Variants in CPNE6 observed in about 807,000 individuals in gnomAD.
CPNE6 encodes the protein copine-6.
CPNE6 carries 33 observed loss-of-function variants against 71.5 expected under a neutral mutation model. That is an observed-to-expected ratio of 0.46 (90% confidence interval 0.35 to 0.62). The LOEUF is 0.62. Ranked by LOEUF, CPNE6 falls within the 20% of genes least tolerant of loss-of-function variation. The pLI is 0.00. For synonymous variants in CPNE6, 296 were observed against 293.0 expected (o/e 1.01, Z -0.10); for missense variants, 576 against 747.3 (o/e 0.77, Z 2.67).
Position 24,076,143 on chromosome 14 carries a change from AC to A in CPNE6, c.925-3del. Reference sequence around the variant, plus strand: ...GCAGCATGACCTTCTTCCCACCCCCACCCAGGTGGCCATTGACTTCACCGCC... The same window carrying A: ...GCAGCATGACCTTCTTCCCACCCCCACCAGGTGGCCATTGACTTCACCGCC... On this transcript the variant is annotated splice_polypyrimidine_tract_variant and splice_region_variant and intron_variant, in intron 11 of 17. Transcript: ENST00000397016. The A allele has an allele frequency of 2.5e-6, 4 of 1,611,738 alleles. No homozygotes were observed. The highest frequency in any genetic ancestry group is 3.4e-6 in the Non-Finnish European group (4 of 1,178,974).
rs1180639514 is a variant in CPNE6, at chr14:24,074,212, C to T, written c.424-79C>T. ...TATGGTGACATCATGCCCAGGACCA[C>T]CCCCACCTAAGGGAAAGGGGATGGG... On this transcript the variant is annotated intron_variant, in intron 5 of 17. Transcript: ENST00000397016. The surrounding 1 kb of genome is among the most constrained non-coding windows in gnomAD (Gnocchi z 4.5). The T allele has an allele frequency of 6.3e-7, 1 of 1,592,120 alleles. No homozygotes were observed. The highest frequency in any genetic ancestry group is 1.3e-5 in the African/African-American group (1 of 74,464).
At chr14:24,071,022 A>G in exon 1 of CPNE6, 1 of 1,535,646 alleles carries the variant, frequency 6.5e-7, no homozygotes, top group Non-Finnish European at 8.7e-7. Context: ...ATCCTGCTGT[A>G]TTCCGGGTTA....
At chr14:24,071,498 T>TGCGC in intron 1 of CPNE6, 64 bp from the exon 1 acceptor site, 7 of 1,522,604 alleles carry the variant, frequency 4.6e-6, no homozygotes, top group Non-Finnish European at 6.1e-6. Context: ...GAGCTGGTGC[T>TGCGC]GCGCCCCCCC....
exon 15 of CPNE6, chr14:24,076,896 G>A (rs749146395): frequency 1.7e-5 from 27 of 1,612,974 alleles, no homozygotes; most frequent in Admixed American, 3.3e-5. Flanking sequence ...AGGGGTCATC[G>A]CCTCCTACCG....
chr14:24,077,381 C>T lies in CPNE6; in HGVS notation c.1527C>T (p.Asp509=). 1 of 1,613,994 alleles carries T rather than the reference C, an allele frequency of 6.2e-7. No individual in the cohort carries two copies. Among genetic ancestry groups the T allele is most frequent in the Non-Finnish European group, 8.5e-7 (1 of 1,179,938 alleles). ...TTGTCCAGTTCGTGCCCTTCCGAGA[C>T]TTCAAGGATGTGAGTCCCCCGGGCC... Residue 509 remains aspartate, a synonymous_variant, in exon 16 of 18, where the codon GAC becomes GAT. Coordinates refer to ENST00000397016, the Ensembl canonical transcript of CPNE6. This position sits in a 1 kb window ranked among gnomAD's most constrained non-coding sequence, Gnocchi z 6.1.
At position 24,077,142 on chromosome 14, in the gene CPNE6, G is replaced by A. The variant is rs1486682783; in HGVS notation, c.1300-12G>A. 3.8e-6 allele frequency: 6 copies of A among 1,598,548 alleles called. No individual in the cohort carries two copies. The East Asian group carries it at 1.1e-4, about 30-fold the overall frequency. Reference sequence around the variant, plus strand: ...CAAAGCCAACCCTTCCACCCTCTCTGCTTGCCCTCAGAAGTACTCGGTGCT... The same window carrying A: ...CAAAGCCAACCCTTCCACCCTCTCTACTTGCCCTCAGAAGTACTCGGTGCT... On this transcript the variant is annotated splice_polypyrimidine_tract_variant and intron_variant, in intron 15 of 17. Transcript: ENST00000397016. This position sits in a 1 kb window ranked among gnomAD's most constrained non-coding sequence, Gnocchi z 6.1.
Position 24,073,091 on chromosome 14 carries a change from A to G in CPNE6, c.155A>G (p.Glu52Gly). The G allele has an allele frequency of 6.8e-7, 1 of 1,471,180 alleles. No individual in the cohort carries two copies. The highest frequency in any genetic ancestry group is 9.0e-7 in the Non-Finnish European group (1 of 1,110,658). The allele number at this position is 1,471,180 out of a possible 1,614,324, so 91.1% of individuals were successfully genotyped here. ...GTGCTGCTCAAGCTCTACTCTGATG[A>G]GCAGTGGGTGGAGGTGAGAGCAGCT... The change falls in exon 3 of 18, where the codon GAG becomes GGG. Residue 52 changes from glutamate to glycine, a missense_variant. Coordinates refer to ENST00000397016, the Ensembl canonical transcript of CPNE6. This position sits in a 1 kb window ranked among gnomAD's most constrained non-coding sequence, Gnocchi z 5.5.
intron 14 of CPNE6, 115 bp from the exon 14 acceptor site, chr14:24,076,764 A>C (rs1003041309): frequency 2.3e-5 from 36 of 1,542,932 alleles, no homozygotes; most frequent in Non-Finnish European, 3.1e-5. Context: ...CTGCTTAATG[A>C]AGGAACTCGA....
Position 24,074,850 on chromosome 14 carries a change from A to G in CPNE6, c.672+55A>G, listed in dbSNP as rs367607663. ...ACTTAGAGCAACCAATCTGCTATCT[A>G]AGACCTTTCCCCTGCATGTGGCAAG... On this transcript the variant is annotated intron_variant, in intron 8 of 17. Transcript: ENST00000397016. The surrounding 1 kb of genome is among the most constrained non-coding windows in gnomAD (Gnocchi z 4.5). 245 of 1,465,198 alleles carry G rather than the reference A, an allele frequency of 1.7e-4. No individual in the cohort carries two copies. In the African/African-American group the frequency reaches 3.1e-3, roughly 19 times the overall value. 90.8% of individuals were successfully genotyped at this position (1,465,198 alleles called of 1,614,324 possible).
chr14:24,075,953 C>G lies in CPNE6; in HGVS notation c.924+67C>G, dbSNP rs986297974. The G allele has an allele frequency of 1.9e-6, 3 of 1,579,412 alleles. No homozygotes were observed. The highest frequency in any genetic ancestry group is 2.7e-5 in the African/African-American group (2 of 74,190). The stretch of plus-strand genomic sequence containing the variant: ...CTGAGTCCATAGTGAAAGGAAGGAG[C>G]CCAGAATCTCCACTGCCCCAACTTG... On this transcript the variant is annotated intron_variant, in intron 11 of 17. Transcript: ENST00000397016. This position sits in a 1 kb window ranked among gnomAD's most constrained non-coding sequence, Gnocchi z 4.3.
In CPNE6 at chr14:24,074,643, G is replaced by A. The variant is rs1205753763; in HGVS notation, c.582+29G>A. 1 of 1,613,600 alleles carries A rather than the reference G, an allele frequency of 6.2e-7. No individual in the cohort carries two copies. The highest frequency in any genetic ancestry group is 1.7e-5 in the Admixed American group (1 of 60,018). On this transcript the variant is annotated intron_variant, in intron 7 of 17. Transcript: ENST00000397016. The surrounding 1 kb of genome is among the most constrained non-coding windows in gnomAD (Gnocchi z 4.5). ...GGTGCCTGGGGCTATGGGGATGAAG[G>A]GAGGGAGAGTAAAGTAAGAAGACAC... is the stretch of plus-strand genomic sequence containing the variant.
Position 24,074,800 on chromosome 14 carries a change from A to C in CPNE6, c.672+5A>C. On this transcript the variant is annotated splice_donor_5th_base_variant and intron_variant, in intron 8 of 17. Coordinates refer to ENST00000397016, the Ensembl canonical transcript of CPNE6. The surrounding 1 kb of genome is among the most constrained non-coding windows in gnomAD (Gnocchi z 4.5). ...GATGTTCACCGACCTCTCAAGGTGA[A>C]GTCCCAGCCAAGCCAGCACAGCCTA... The C allele has an allele frequency of 6.2e-7, 1 of 1,609,718 alleles. No homozygotes were observed. The highest frequency in any genetic ancestry group is 8.5e-7 in the Non-Finnish European group (1 of 1,178,222).
At position 24,075,729 on chromosome 14, in the gene CPNE6, A is replaced by T. The variant is rs1248721884; in HGVS notation, c.865-98A>T. ...AACCACCCCCAACTGCAACCCAAAA[A>T]ACTCTGGCTCCCCCATGTTCCCCAC... On this transcript the variant is annotated intron_variant, in intron 10 of 17. Coordinates refer to ENST00000397016, the Ensembl canonical transcript of CPNE6. The surrounding 1 kb of genome is among the most constrained non-coding windows in gnomAD (Gnocchi z 4.3). The T allele has an allele frequency of 5.0e-6, 7 of 1,394,552 alleles. No homozygotes were observed. Among genetic ancestry groups the T allele is most frequent in the Non-Finnish European group, 7.1e-6 (7 of 992,596 alleles). The allele number at this position is 1,394,552 out of a possible 1,614,324, so 86.4% of individuals were successfully genotyped here. A position where few individuals can be genotyped will look rare whatever the true frequency, so the allele number is the denominator to read the frequency against.
rs2035982271 is a variant in CPNE6 at position 24,074,018 on chromosome 14, C to T, written c.349-33C>T. On this transcript the variant is annotated intron_variant, in intron 4 of 17. Transcript: ENST00000397016. This position sits in a 1 kb window ranked among gnomAD's most constrained non-coding sequence, Gnocchi z 4.5. ...ACGTGGCCAAGGCAGATGGGGATGT[C>T]ACAGCTGGGTCTCCCTCCACCTCCA... 3.8e-6 allele frequency: 6 copies of T among 1,583,164 alleles called. No homozygotes were observed. Among genetic ancestry groups the T allele is most frequent in the Non-Finnish European group, 5.2e-6 (6 of 1,151,836 alleles).
rs1051932839 is a variant in CPNE6, at chr14:24,078,000, C to T, written c.*150C>T. On this transcript the variant is annotated 3_prime_UTR_variant, in exon 18 of 18. Coordinates refer to ENST00000397016, the Ensembl canonical transcript of CPNE6. This position sits in a 1 kb window ranked among gnomAD's most constrained non-coding sequence, Gnocchi z 6.1. ...GGGTCCTGCTCCTATCTCTCCAAAC[C>T]CCATACCCTTCAATGCTGTGGCCCC... The T allele has an allele frequency of 2.7e-6, 1 of 368,686 alleles. No homozygotes were observed. The highest frequency in any genetic ancestry group is 2.1e-5 in the African/African-American group (1 of 48,014). 22.8% of individuals were successfully genotyped at this position (368,686 alleles called of 1,614,324 possible). A position where few individuals can be genotyped will look rare whatever the true frequency, so the allele number is the denominator to read the frequency against.
Position 24,073,600 on chromosome 14 carries a change from C to T in CPNE6, c.270C>T (p.His90=), listed in dbSNP as rs565232023. 29 of 1,614,058 alleles carry T rather than the reference C, an allele frequency of 1.8e-5. No homozygotes were observed. The highest frequency in any genetic ancestry group is 1.7e-4 in the Middle Eastern group (1 of 5,936). Residue 90 remains histidine, a synonymous_variant, in exon 4 of 18, where the codon CAC becomes CAT. Coordinates refer to ENST00000397016, the Ensembl canonical transcript of CPNE6. This position sits in a 1 kb window ranked among gnomAD's most constrained non-coding sequence, Gnocchi z 5.5. The stretch of plus-strand genomic sequence containing the variant: ...AGGAGAAGCAGCCCCTGCAGTTCCA[C>T]GTGTTCGATGCCGAGGACGGAGCCA...
intron 1 of CPNE6, 177 bp from the exon 1 acceptor site, chr14:24,071,385 T>C: frequency 6.9e-7 from 1 of 1,447,656 alleles, no homozygotes; most frequent in Non-Finnish European, 9.0e-7. Flanking sequence ...GTCCTGCCTC[T>C]AAGCCACCCC....
rs1471145004 is a variant in CPNE6, at chr14:24,073,469, G to C, written c.169-30G>C. 6.2e-7 allele frequency: 1 copy of C among 1,604,060 alleles called. No homozygotes were observed. On this transcript the variant is annotated intron_variant, in intron 3 of 17. Transcript: ENST00000397016. This position sits in a 1 kb window ranked among gnomAD's most constrained non-coding sequence, Gnocchi z 5.5. ...GAAAAGTATCCTCGGTTCCCAGACA[G>C]CCCTCGCCTCCCTTCAACCACTACC...
exon 1 of CPNE6, chr14:24,070,949 A>C: frequency 6.5e-7 from 1 of 1,530,718 alleles, no homozygotes; most frequent in Non-Finnish European, 8.8e-7. Flanking sequence ...ACTGGACATC[A>C]TTCTCAAAGC....
Sources: gnomAD v4.1 joint callset for allele counts on GRCh38, gnomAD v4.1.1 for gene constraint, Gnocchi (gnomAD v3.1) non-coding constraint, MANE v1.5 for transcripts, NCBI Gene and HGNC (gene_info 2026-07-23, HGNC 2026-07-21) for gene names.